Variants in SPATA17 observed in about 807,000 individuals in gnomAD.
The protein encoded by SPATA17 is spermatogenesis associated 17.
In SPATA17, 53 loss-of-function variants were observed where a neutral mutation model predicts 62.2. That is an observed-to-expected ratio of 0.85 (90% CI 0.68 to 1.07). The LOEUF (loss-of-function observed/expected upper bound fraction) is 1.07, where lower values mean the gene tolerates loss of function less well. SPATA17 is among the 50% of genes least tolerant of loss of function. SPATA17 has a pLI of 0.00. For missense variants in SPATA17, 466 were observed against 425.5 expected (o/e 1.10, Z -0.84); for synonymous variants, 146 against 146.8 (o/e 0.99, Z 0.04).
In SPATA17 at chr1:217,738,343, C is replaced by T. The variant is rs1313669475; in HGVS notation, c.396-3632C>T. On this transcript the variant is annotated intron_variant, in intron 5 of 10. Coordinates refer to ENST00000366933, the MANE Select transcript of SPATA17 (RefSeq NM_138796.4). ...TCATTCCACAAAGTGCACTCTCATC[C>T]AGAGAGAGAAAGGAGGAGACCACCA... 3.3e-5 allele frequency among the ~76,000 whole-genome samples: 5 copies of T among 152,100 alleles called. No individual in the cohort carries two copies. The South Asian group carries it at 6.2e-4, about 19-fold the overall frequency.
intron 3 of SPATA17, among the ~76,000 whole-genome samples, chr1:217,654,479 A>T (rs1181043862): frequency 6.6e-6 from 1 of 152,166 alleles, no homozygotes; most frequent in Non-Finnish European, 1.5e-5. Context: ...GCCACTTTAA[A>T]AAAAGTTTTA....
chr1:217,751,677 T>A (rs923742162), intron 6 of SPATA17, among the ~76,000 whole-genome samples: 3 of 152,184 alleles, frequency 2.0e-5, no homozygotes, highest in African/African-American at 7.2e-5. Context: ...GAAGTGGTTT[T>A]AAAAAAATCT....
intron 9 of SPATA17, among the ~76,000 whole-genome samples, chr1:217,858,818 G>A (rs891380302): frequency 3.3e-5 from 5 of 151,808 alleles, no homozygotes; most frequent in African/African-American, 7.3e-5. Flanking sequence ...TCACAAGGTC[G>A]GGAGTTCGAG....
intron 5 of SPATA17, among the ~76,000 whole-genome samples, chr1:217,724,232 T>C (rs926106643): frequency 2.6e-5 from 4 of 152,238 alleles, no homozygotes; most frequent in Non-Finnish European, 4.4e-5. Flanking sequence ...TATTTGCATT[T>C]ATACTGTTAT....
At chr1:217,711,556 T>C (rs1352768890) in intron 5 of SPATA17, among the ~76,000 whole-genome samples, 1 of 152,218 alleles carries the variant, frequency 6.6e-6, no homozygotes, top group Non-Finnish European at 1.5e-5. Flanking sequence ...AAATCAGATT[T>C]CTTCATCTTT....
rs186502311 is a variant in SPATA17 at position 217,662,916 on chromosome 1, A to G, written c.241-6117A>G. Reference sequence around the variant, plus strand: ...ATTCTTCACCTTTTAGTGTAATACCAGAAAACTGAAACATATATATATTTT... The same window carrying G: ...ATTCTTCACCTTTTAGTGTAATACCGGAAAACTGAAACATATATATATTTT... On this transcript the variant is annotated intron_variant, in intron 3 of 10. Coordinates refer to ENST00000366933, the MANE Select transcript of SPATA17 (RefSeq NM_138796.4). Among the ~76,000 whole-genome samples the G allele has an allele frequency of 2.3e-4, 35 of 152,288 alleles. No homozygotes were observed. The East Asian group carries it at 5.8e-3, about 25-fold the overall frequency.
chr1:217,664,722 T>A (rs1157498916), intron 3 of SPATA17, among the ~76,000 whole-genome samples: 2 of 152,140 alleles, frequency 1.3e-5, no homozygotes, highest in East Asian at 3.9e-4. Flanking sequence ...TAAAGTTGAA[T>A]AACCTCAGAT....
chr1:217,783,637 T>C (rs535799622), intron 8 of SPATA17, among the ~76,000 whole-genome samples: 2 of 152,250 alleles, frequency 1.3e-5, no homozygotes, highest in East Asian at 3.9e-4. Context: ...CTCAGAATTC[T>C]TTTCCTATTT....
intron 5 of SPATA17, among the ~76,000 whole-genome samples, chr1:217,723,105 G>A (rs1385101878): frequency 6.6e-6 from 1 of 152,176 alleles, no homozygotes; most frequent in Non-Finnish European, 1.5e-5. Flanking sequence ...GTTGAGGCCA[G>A]AACTCCAGTC....
chr1:217,851,575 G>T (rs1476670160), intron 9 of SPATA17, among the ~76,000 whole-genome samples: 1 of 152,138 alleles, frequency 6.6e-6, no homozygotes, highest in Non-Finnish European at 1.5e-5. Flanking sequence ...AATATTTGTT[G>T]CATAAATTAA....
intron 6 of SPATA17, among the ~76,000 whole-genome samples, chr1:217,755,743 T>C (rs985341740): frequency 2.6e-5 from 4 of 152,008 alleles, no homozygotes; most frequent in African/African-American, 9.7e-5. Flanking sequence ...TTATAATACA[T>C]AATTAAATAA....
chr1:217,786,750 TTTCTTC>T lies in SPATA17; in HGVS notation c.872+4486_872+4491del, dbSNP rs35648538. Among the ~76,000 whole-genome samples, 905 of 107,520 alleles carry T rather than the reference TTTCTTC, an allele frequency of 8.4e-3. 8 individuals carry two copies. The highest frequency in any genetic ancestry group is 0.032 in the Middle Eastern group (6 of 188). The allele number at this position is 107,520 out of a possible 152,430, so 70.5% of individuals were successfully genotyped here. On this transcript the variant is annotated intron_variant, in intron 8 of 10. Coordinates refer to ENST00000366933, the MANE Select transcript of SPATA17 (RefSeq NM_138796.4). ...AATGATAGAAGGATTTGATATTCTCTTTCTTCTTCTTCTTCTTCTTCTTCTTCTTCT... is the reference window on the plus strand; with the variant it reads ...AATGATAGAAGGATTTGATATTCTCTTTCTTCTTCTTCTTCTTCTTCTTCT...
chr1:217,764,576 G>A (rs183716546), intron 6 of SPATA17, among the ~76,000 whole-genome samples: 2 of 152,230 alleles, frequency 1.3e-5, no homozygotes, highest in East Asian at 1.9e-4. Flanking sequence ...AGTCAATTGG[G>A]TAAATATATA....
chr1:217,651,429 A>T (rs1670310606), intron 3 of SPATA17, among the ~76,000 whole-genome samples: 1 of 152,214 alleles, frequency 6.6e-6, no homozygotes, highest in Non-Finnish European at 1.5e-5. Context: ...TTTTCACAGT[A>T]TGCATTTATA....
intron 5 of SPATA17, among the ~76,000 whole-genome samples, chr1:217,727,301 GTTATTC>G (rs1672289107): frequency 6.7e-6 from 1 of 148,390 alleles, no homozygotes; most frequent in South Asian, 2.1e-4. Context: ...ACAAAAAACT[GTTATTC>G]TTATACATGG....
chr1:217,775,704 G>T (rs1269635109), intron 7 of SPATA17, among the ~76,000 whole-genome samples: 4 of 151,980 alleles, frequency 2.6e-5, no homozygotes, highest in Non-Finnish European at 4.4e-5. Flanking sequence ...TATATATATA[G>T]AGAGAGTCTA....
chr1:217,743,603 ATTC>A, intron 6 of SPATA17, among the ~76,000 whole-genome samples: 1 of 151,840 alleles, frequency 6.6e-6, no homozygotes, highest in Non-Finnish European at 1.5e-5. Flanking sequence ...TAGTGAAATC[ATTC>A]TTTTTTTTTT....
In SPATA17 at chr1:217,861,850, A is replaced by G. The variant is rs1675903303; in HGVS notation, c.1006-924A>G. On this transcript the variant is annotated intron_variant, in intron 9 of 10. Coordinates refer to ENST00000366933, the MANE Select transcript of SPATA17 (RefSeq NM_138796.4). ...GACAAACACAGAGCAACAGATGTGAAGCTTTTCCCTGGGGCTTGAAAAAGC... is the reference window on the plus strand; with the variant it reads ...GACAAACACAGAGCAACAGATGTGAGGCTTTTCCCTGGGGCTTGAAAAAGC... Among the ~76,000 whole-genome samples the G allele has an allele frequency of 2.0e-5, 3 of 152,278 alleles. No homozygotes were observed. The East Asian group carries it at 5.8e-4, about 29-fold the overall frequency.
At chr1:217,760,171 C>A (rs1447202546) in intron 6 of SPATA17, among the ~76,000 whole-genome samples, 2 of 152,034 alleles carry the variant, frequency 1.3e-5, no homozygotes, top group African/African-American at 4.8e-5. Flanking sequence ...TATGTTACCA[C>A]CAGAGAGACT....
Sources: gnomAD v4.1 joint callset for allele counts (sites outside exome capture counted in the v4.1 genomes callset) on GRCh38, gnomAD v4.1.1 for gene constraint, MANE v1.5 for transcripts, NCBI Gene and HGNC (gene_info 2026-07-23, HGNC 2026-07-21) for gene names.